Variants in GLCCI1 observed in about 807,000 individuals in gnomAD.
GLCCI1 encodes the protein glucocorticoid induced 1.
A neutral mutation model predicts 52.2 loss-of-function variants in GLCCI1; 24 were observed. That is an observed-to-expected ratio of 0.46 (90% CI 0.33 to 0.65). The LOEUF (loss-of-function observed/expected upper bound fraction) is 0.65, where lower values mean the gene tolerates loss of function less well. Ranked by LOEUF, GLCCI1 falls within the 30% of genes least tolerant of loss-of-function variation. The probability of loss-of-function intolerance (pLI) is 0.02; values close to 1 mark genes in which losing one functional copy is unlikely to be tolerated. For missense variants in GLCCI1, 704 were observed against 701.5 expected, an observed-to-expected ratio of 1.00 and a Z score of -0.04; for synonymous variants, 310 against 276.5, an observed-to-expected ratio of 1.12 and a Z score of -1.20.
At chr7:8,014,215 T>TCCTCAGGTGGA (rs1781331973) in intron 2 of GLCCI1, among the ~76,000 whole-genome samples, 1 of 152,138 alleles carries the variant, frequency 6.6e-6, no homozygotes, top group Non-Finnish European at 1.5e-5. Flanking sequence ...GGTCTCAAAT[T>TCCTCAGGTGGA]CCTCAGGTGG....
chr7:8,085,333 A>C (rs1352653721), intron 7 of GLCCI1, among the ~76,000 whole-genome samples: 2 of 152,214 alleles, frequency 1.3e-5, no homozygotes, highest in Non-Finnish European at 1.5e-5. Context: ...TTAGGAGCAA[A>C]GTTAATATCC....
At chr7:7,979,243 A>G (rs1414805018) in intron 1 of GLCCI1, among the ~76,000 whole-genome samples, 2 of 152,186 alleles carry the variant, frequency 1.3e-5, no homozygotes, top group African/African-American at 4.8e-5. Flanking sequence ...AGGTCTATTA[A>G]TACTTTACAT....
At chr7:8,005,313 G>T (rs1007339613) in intron 2 of GLCCI1, among the ~76,000 whole-genome samples, 2 of 151,900 alleles carry the variant, frequency 1.3e-5, no homozygotes, top group African/African-American at 4.8e-5. Context: ...TATGAAAGAA[G>T]AAGGTCAAGT....
At chr7:8,081,717 AATTTATT>A (rs2127968840) in intron 6 of GLCCI1, among the ~76,000 whole-genome samples, 1 of 152,310 alleles carries the variant, frequency 6.6e-6, no homozygotes, top group East Asian at 1.9e-4. Flanking sequence ...TCCAAACTCT[AATTTATT>A]ATCATATGTT....
intron 1 of GLCCI1, among the ~76,000 whole-genome samples, chr7:7,997,049 C>A (rs1780951171): frequency 6.6e-6 from 1 of 152,136 alleles, no homozygotes; most frequent in South Asian, 2.1e-4. Flanking sequence ...AGGAGGAAGA[C>A]TATTAATGGC....
At chr7:8,002,177 TAA>T (rs1479842604) in intron 1 of GLCCI1, among the ~76,000 whole-genome samples, 3 of 151,938 alleles carry the variant, frequency 2.0e-5, no homozygotes, top group Non-Finnish European at 4.4e-5. Context: ...GTGCAAAAAA[TAA>T]AGAGAATTTT....
rs144584363 is a variant in GLCCI1, at chr7:8,009,046, A to G, written c.609+4987A>G. Reference sequence around the variant, plus strand: ...AGTAATACCCGATTTGCACATTCACACGTTTATTCTGAGGATTATAAGATA... The same window carrying G: ...AGTAATACCCGATTTGCACATTCACGCGTTTATTCTGAGGATTATAAGATA... On this transcript the variant is annotated intron_variant, in intron 2 of 7. Coordinates refer to ENST00000223145, the MANE Select transcript of GLCCI1 (RefSeq NM_138426.4). Among the ~76,000 whole-genome samples the G allele has an allele frequency of 1.5e-4, 23 of 152,272 alleles. No homozygotes were observed. The East Asian group carries it at 4.4e-3, about 29-fold the overall frequency.
chr7:7,989,144 G>A (rs893847401), intron 1 of GLCCI1, among the ~76,000 whole-genome samples: 1 of 152,090 alleles, frequency 6.6e-6, no homozygotes, highest in Non-Finnish European at 1.5e-5. Flanking sequence ...ATTGTGATAA[G>A]GCACTAATTT....
At chr7:8,011,411 G>A (rs1781259538) in intron 2 of GLCCI1, among the ~76,000 whole-genome samples, 2 of 151,846 alleles carry the variant, frequency 1.3e-5, no homozygotes, top group Admixed American at 6.6e-5. Flanking sequence ...TTCCTTTTTT[G>A]TCTGGTTTAT....
At chr7:7,976,454 G>A (rs1004687944) in intron 1 of GLCCI1, among the ~76,000 whole-genome samples, 26 of 69,716 alleles carry the variant, frequency 3.7e-4, no homozygotes, top group African/African-American at 1.6e-3. Flanking sequence ...ACTCCAGCTT[G>A]GGCAACAAGA....
chr7:8,084,849 TAA>T (rs1783069553), intron 6 of GLCCI1, 46 bp from the exon 7 acceptor site: 1 of 1,603,022 alleles, frequency 6.2e-7, no homozygotes, highest in African/African-American at 1.3e-5. Context: ...AAATCAAATT[TAA>T]AAGAGCTTTC....
intron 1 of GLCCI1, among the ~76,000 whole-genome samples, chr7:7,999,156 A>G (rs1211119776): frequency 6.6e-6 from 1 of 151,962 alleles, no homozygotes. Flanking sequence ...AGAGCATGTG[A>G]TCTTTTTAAA....
intron 3 of GLCCI1, among the ~76,000 whole-genome samples, chr7:8,023,518 T>G: frequency 6.6e-6 from 1 of 151,218 alleles, no homozygotes; most frequent in East Asian, 1.9e-4. Flanking sequence ...AACTTTAGAA[T>G]TGAAAGGTCA....
At chr7:8,001,589 G>A (rs1052240620) in intron 1 of GLCCI1, among the ~76,000 whole-genome samples, 3 of 152,140 alleles carry the variant, frequency 2.0e-5, no homozygotes, top group Admixed American at 6.5e-5. Flanking sequence ...TTGACCCAGC[G>A]ATCCCATTAC....
intron 4 of GLCCI1, among the ~76,000 whole-genome samples, chr7:8,058,917 T>A (rs1308084727): frequency 6.6e-6 from 1 of 152,240 alleles, no homozygotes; most frequent in Non-Finnish European, 1.5e-5. Context: ...ATATACTATA[T>A]TCTTTAATAA....
intron 1 of GLCCI1, among the ~76,000 whole-genome samples, chr7:7,991,643 C>T (rs1393596207): frequency 2.6e-5 from 4 of 151,982 alleles, no homozygotes; most frequent in Non-Finnish European, 5.9e-5. Flanking sequence ...TCTCTTTGTT[C>T]TGTAAGAGGC....
intron 1 of GLCCI1, among the ~76,000 whole-genome samples, chr7:7,973,442 T>TGTGTGTGTG (rs893471775): frequency 1.4e-5 from 1 of 72,254 alleles, no homozygotes; most frequent in Non-Finnish European, 3.3e-5. Flanking sequence ...GTGTGTGTGT[T>TGTGTGTGTG]TTGTAAAGAT....
At chr7:8,049,802 A>G (rs1399131537) in intron 3 of GLCCI1, among the ~76,000 whole-genome samples, 1 of 152,212 alleles carries the variant, frequency 6.6e-6, no homozygotes, top group East Asian at 1.9e-4. Flanking sequence ...GCTAGGTAAT[A>G]GAGGTTACAA....
intron 4 of GLCCI1, among the ~76,000 whole-genome samples, chr7:8,055,941 C>G (rs1412752049): frequency 7.0e-6 from 1 of 142,868 alleles, no homozygotes; most frequent in Admixed American, 7.2e-5. Flanking sequence ...TGCAGTGAGC[C>G]AAGATCGCGC....
Sources: gnomAD v4.1 joint callset for allele counts (sites outside exome capture counted in the v4.1 genomes callset) on GRCh38, gnomAD v4.1.1 for gene constraint, MANE v1.5 for transcripts, NCBI Gene and HGNC (gene_info 2026-07-23, HGNC 2026-07-21) for gene names.